Variants in SLC45A4 observed in about 807,000 individuals in gnomAD.
SLC45A4 encodes the protein solute carrier family 45 member 4.
Under a neutral mutation model 63.7 loss-of-function variants are expected in SLC45A4, and 32 were observed. That is an observed-to-expected ratio of 0.50 (90% CI 0.38 to 0.67). The LOEUF is 0.67. Among genes scored for constraint, SLC45A4 ranks in the 30% least tolerant of loss-of-function variants. SLC45A4 has a pLI of 0.00. For synonymous variants in SLC45A4, 535 were observed against 510.0 expected, an observed-to-expected ratio of 1.05 and a Z score of -0.66; for missense variants, 1,027 against 1,157.7, an observed-to-expected ratio of 0.89 and a Z score of 1.64.
chr8:141,251,299 C>G (rs1329327019), intron 2 of SLC45A4, among the ~76,000 whole-genome samples: 1 of 152,120 alleles, frequency 6.6e-6, no homozygotes, highest in Non-Finnish European at 1.5e-5. Flanking sequence ...TTCTTCAGTT[C>G]CACGAACACA....
intron 1 of SLC45A4, among the ~76,000 whole-genome samples, chr8:141,259,142 CA>C (rs2154614763): frequency 6.6e-6 from 1 of 152,308 alleles, no homozygotes; most frequent in East Asian, 1.9e-4. Context: ...GTTGGCCTTC[CA>C]AAGAGAAGAT....
intron 2 of SLC45A4, among the ~76,000 whole-genome samples, chr8:141,243,381 G>C (rs895229719): frequency 9.2e-5 from 14 of 152,280 alleles, no homozygotes; most frequent in South Asian, 8.3e-4. Context: ...AACTAGAAAG[G>C]CTTTTTAAGA....
chr8:141,263,222 G>T (rs1163860516), intron 1 of SLC45A4, among the ~76,000 whole-genome samples: 2 of 120,926 alleles, frequency 1.7e-5, no homozygotes, highest in South Asian at 3.4e-4. Flanking sequence ...TGTGGGGTGG[G>T]GGGAGGGGGG....
chr8:141,216,182 C>CACAG (rs1491200096), intron 6 of SLC45A4, among the ~76,000 whole-genome samples: 1 of 152,194 alleles, frequency 6.6e-6, no homozygotes, highest in African/African-American at 2.4e-5. Flanking sequence ...GCTCCAGCAC[C>CACAG]ACAGACAGAA....
At chr8:141,214,184 T>TCTTCC (rs1034387742) in intron 7 of SLC45A4, among the ~76,000 whole-genome samples, 2 of 143,468 alleles carry the variant, frequency 1.4e-5, no homozygotes, top group African/African-American at 5.3e-5. Flanking sequence ...AGATCGAGAC[T>TCTTCC]CTGTCTCCAA....
intron 1 of SLC45A4, among the ~76,000 whole-genome samples, chr8:141,272,288 C>CT (rs1250034161): frequency 3.3e-5 from 5 of 152,224 alleles, no homozygotes; most frequent in African/African-American, 1.2e-4. Flanking sequence ...CCAAAATACA[C>CT]TAAAGCCAAA....
At chr8:141,231,846 C>T (rs558801573) in intron 2 of SLC45A4, among the ~76,000 whole-genome samples, 3 of 152,334 alleles carry the variant, frequency 2.0e-5, no homozygotes, top group Non-Finnish European at 2.9e-5. Context: ...CAGTACACAG[C>T]GACGCCTCTC....
rs10106592 is a variant in SLC45A4 at position 141,297,076 on chromosome 8, C to A, written c.-401+11020G>T. On this transcript the variant is annotated intron_variant, in intron 1 of 8. Coordinates refer to ENST00000517878, the MANE Select transcript of SLC45A4 (RefSeq NM_001286646.2). The stretch of plus-strand genomic sequence containing the variant: ...GTCTGACCACCCTAAGTTACTGAGT[C>A]CCCCCCAGGTTTGCCACACTGAACC... 9.3e-5 allele frequency among the ~76,000 whole-genome samples: 14 copies of A among 150,672 alleles called. No individual in the cohort carries two copies. The East Asian group carries it at 1.4e-3, about 15-fold the overall frequency.
At chr8:141,307,549 AGAAGG>A in intron 1 of SLC45A4, among the ~76,000 whole-genome samples, 1 of 144,300 alleles carries the variant, frequency 6.9e-6, no homozygotes, top group Non-Finnish European at 1.5e-5. Context: ...AAGAAGGGGA[AGAAGG>A]GAGTGTGTTC....
intron 1 of SLC45A4, among the ~76,000 whole-genome samples, chr8:141,301,734 CAAAAAAAAAAAAAA>C (rs564016568): frequency 2.5e-5 from 1 of 39,584 alleles, no homozygotes; most frequent in Non-Finnish European, 5.0e-5. Context: ...GACCCTATCT[CAAAAAAAAAAAAAA>C]AAAAAAAAAA....
At chr8:141,243,734 G>A (rs1319211555) in intron 2 of SLC45A4, among the ~76,000 whole-genome samples, 2 of 151,968 alleles carry the variant, frequency 1.3e-5, no homozygotes, top group African/African-American at 4.8e-5. Context: ...TGCCACCCGA[G>A]ACAGCAAGAC....
chr8:141,260,622 T>G (rs1226584080), intron 1 of SLC45A4, among the ~76,000 whole-genome samples: 1 of 152,200 alleles, frequency 6.6e-6, no homozygotes, highest in African/African-American at 2.4e-5. Context: ...CTAGAAAATC[T>G]AGAAGAAATG....
intron 1 of SLC45A4, among the ~76,000 whole-genome samples, chr8:141,289,646 C>T (rs945894809): frequency 6.6e-6 from 1 of 152,184 alleles, no homozygotes; most frequent in Admixed American, 6.5e-5. Flanking sequence ...AAAGGGTCAG[C>T]TTCCTGTAGT....
intron 2 of SLC45A4, among the ~76,000 whole-genome samples, chr8:141,252,012 G>A (rs1163614492): frequency 2.8e-5 from 4 of 144,706 alleles, no homozygotes; most frequent in Admixed American, 7.2e-5. Context: ...GAGCGCTCAC[G>A]GAACAAGAAA....
chr8:141,293,264 C>T (rs970690717), intron 1 of SLC45A4, among the ~76,000 whole-genome samples: 1 of 151,992 alleles, frequency 6.6e-6, no homozygotes, highest in East Asian at 1.9e-4. Flanking sequence ...ACCAGCCTGG[C>T]CAACATGGTG....
intron 2 of SLC45A4, among the ~76,000 whole-genome samples, chr8:141,231,605 G>A (rs1316027796): frequency 6.6e-6 from 1 of 152,200 alleles, no homozygotes; most frequent in East Asian, 1.9e-4. Context: ...GAGTGGTCGG[G>A]TCACCTGGCC....
chr8:141,218,237 TGCTGCC>T lies in SLC45A4; in HGVS notation c.1397_1402del (p.Arg466_Gln467del), dbSNP rs772943334. ...GGCCCCGCTCTGGTTCCGGTGCCGGTGCTGCCGCTGCCGCTTCTGCATGTCGTACAG... is the reference window on the plus strand; with the variant it reads ...GGCCCCGCTCTGGTTCCGGTGCCGGTGCTGCCGCTTCTGCATGTCGTACAG... On this transcript the variant is annotated inframe_deletion, in exon 5 of 9. Coordinates refer to ENST00000517878, the MANE Select transcript of SLC45A4 (RefSeq NM_001286646.2). 1.5e-5 allele frequency: 24 copies of T among 1,601,698 alleles called. No homozygotes were observed. Among genetic ancestry groups the T allele is most frequent in the Middle Eastern group, 3.3e-4 (2 of 6,080 alleles).
At chr8:141,242,778 G>A (rs1296085482) in intron 2 of SLC45A4, among the ~76,000 whole-genome samples, 1 of 152,166 alleles carries the variant, frequency 6.6e-6, no homozygotes, top group African/African-American at 2.4e-5. Context: ...GCACAGGCCC[G>A]AGACTGGAGG....
At chr8:141,284,874 C>T (rs1830081033) in intron 1 of SLC45A4, among the ~76,000 whole-genome samples, 1 of 152,102 alleles carries the variant, frequency 6.6e-6, no homozygotes, top group Admixed American at 6.5e-5. Flanking sequence ...CCCGTGCCCC[C>T]TGCCCCGCCC....
Sources: gnomAD v4.1 joint callset for allele counts (sites outside exome capture counted in the v4.1 genomes callset) on GRCh38, gnomAD v4.1.1 for gene constraint, MANE v1.5 for transcripts, NCBI Gene and HGNC (gene_info 2026-07-23, HGNC 2026-07-21) for gene names.